The following HCRTR2 variants were observed in gnomAD, a reference collection of about 807,000 sequenced individuals.
HCRTR2 encodes orexin receptor type 2.
HCRTR2 carries 22 observed loss-of-function variants against 49.0 expected under a neutral mutation model. The observed-to-expected ratio is 0.45, with a 90% CI of 0.32 to 0.64. The LOEUF is 0.64. Among genes scored for constraint, HCRTR2 ranks in the 30% least tolerant of loss-of-function variants. The pLI is 0.04. For synonymous variants in HCRTR2, 236 were observed against 205.3 expected, an observed-to-expected ratio of 1.15 and a Z score of -1.28; for missense variants, 491 against 559.4, an observed-to-expected ratio of 0.88 and a Z score of 1.23.
chr6:55,221,140 T>C (rs953576551), intron 1 of HCRTR2, among the ~76,000 whole-genome samples: 2 of 152,194 alleles, frequency 1.3e-5, no homozygotes, highest in African/African-American at 4.8e-5. Flanking sequence ...AAGCAATTTA[T>C]AGATCCTATA....
At chr6:55,143,312 C>T (rs563220997) in intron 1 of HCRTR2, among the ~76,000 whole-genome samples, 58 of 151,820 alleles carry the variant, frequency 3.8e-4, no homozygotes, top group African/African-American at 1.4e-3. Flanking sequence ...TGTATTTTTC[C>T]CTAGAATACA....
intron 1 of HCRTR2, among the ~76,000 whole-genome samples, chr6:55,197,199 A>G (rs1765432071): frequency 6.6e-6 from 1 of 152,094 alleles, no homozygotes; most frequent in Admixed American, 6.5e-5. Context: ...CTCTAATCCT[A>G]TCTCTAACCT....
chr6:55,212,570 T>G (rs1765715436), intron 1 of HCRTR2, among the ~76,000 whole-genome samples: 1 of 152,178 alleles, frequency 6.6e-6, no homozygotes, highest in Admixed American at 6.6e-5. Flanking sequence ...CCTCTTTCCC[T>G]CTTCCTGGCG....
intron 1 of HCRTR2, among the ~76,000 whole-genome samples, chr6:55,127,702 A>C (rs1764300449): frequency 6.6e-6 from 1 of 152,192 alleles, no homozygotes; most frequent in South Asian, 2.1e-4. Flanking sequence ...TACACAGATG[A>C]GTAAAATCAG....
At chr6:55,237,103 T>A (rs1401236170) in intron 1 of HCRTR2, among the ~76,000 whole-genome samples, 1 of 152,116 alleles carries the variant, frequency 6.6e-6, no homozygotes, top group African/African-American at 2.4e-5. Flanking sequence ...CTTTGTTGTG[T>A]TTCCAGTTCA....
intron 1 of HCRTR2, among the ~76,000 whole-genome samples, chr6:55,221,714 G>A (rs993644788): frequency 6.6e-6 from 1 of 151,870 alleles, no homozygotes; most frequent in African/African-American, 2.4e-5. Flanking sequence ...TCAGGAGGCT[G>A]AGGCAGGAGA....
intron 1 of HCRTR2, among the ~76,000 whole-genome samples, chr6:55,125,914 G>T (rs1481335737): frequency 6.6e-6 from 1 of 151,898 alleles, no homozygotes; most frequent in Non-Finnish European, 1.5e-5. Context: ...TTCAGCGATT[G>T]ATACCTGTGT....
chr6:55,191,238 C>T (rs565106320), intron 1 of HCRTR2, among the ~76,000 whole-genome samples: 1 of 152,072 alleles, frequency 6.6e-6, no homozygotes, highest in Middle Eastern at 3.4e-3. Context: ...TTATATTAAG[C>T]CAACAATATA....
chr6:55,200,064 C>T (rs1162936880), intron 1 of HCRTR2, among the ~76,000 whole-genome samples: 1 of 152,164 alleles, frequency 6.6e-6, no homozygotes, highest in Non-Finnish European at 1.5e-5. Context: ...CATCAGATAT[C>T]TCCACCTATC....
intron 1 of HCRTR2, among the ~76,000 whole-genome samples, chr6:55,144,868 A>G (rs772019104): frequency 6.6e-6 from 1 of 152,098 alleles, no homozygotes; most frequent in Non-Finnish European, 1.5e-5. Flanking sequence ...ATTAATATAT[A>G]TCATTGTTTC....
intron 1 of HCRTR2, among the ~76,000 whole-genome samples, chr6:55,126,575 G>C (rs997644851): frequency 2.0e-5 from 3 of 152,188 alleles, no homozygotes; most frequent in African/African-American, 7.2e-5. Context: ...AAGGGTTAAG[G>C]ACCCAGTTGA....
At chr6:55,114,523 C>A (rs549874888) in intron 1 of HCRTR2, among the ~76,000 whole-genome samples, 1 of 151,808 alleles carries the variant, frequency 6.6e-6, no homozygotes, top group South Asian at 2.1e-4. Flanking sequence ...TTCCGATAAC[C>A]CAGATTATCC....
At chr6:55,170,384 T>A (rs1370413134), upstream of HCRTR2, among the ~76,000 whole-genome samples, 1 of 150,788 alleles carries the variant, frequency 6.6e-6, no homozygotes, top group Admixed American at 6.6e-5. Context: ...ACGCATAGAA[T>A]GTGTAATGGT....
At chr6:55,248,841 G>T in intron 2 of HCRTR2, 24 bp downstream of exon 2, 1 of 1,597,136 alleles carries the variant, frequency 6.3e-7, no homozygotes, top group South Asian at 1.1e-5. Context: ...ATGCTTTTTT[G>T]AAGCTACTAA....
At chr6:55,258,364 T>A (rs1179932830) in intron 3 of HCRTR2, among the ~76,000 whole-genome samples, 1 of 152,172 alleles carries the variant, frequency 6.6e-6, no homozygotes, top group Non-Finnish European at 1.5e-5. Context: ...TTTGGTCAGT[T>A]GATACATATC....
At chr6:55,236,164 T>C (rs1766209147) in intron 1 of HCRTR2, among the ~76,000 whole-genome samples, 1 of 152,132 alleles carries the variant, frequency 6.6e-6, no homozygotes, top group East Asian at 1.9e-4. Context: ...CCATTTAGGT[T>C]ATTTTTCATA....
intron 1 of HCRTR2, among the ~76,000 whole-genome samples, chr6:55,177,633 A>G (rs945910302): frequency 2.0e-5 from 3 of 152,098 alleles, no homozygotes; most frequent in African/African-American, 7.2e-5. Context: ...GAAAATCTCA[A>G]CCTTTTTGGG....
chr6:55,215,900 A>T (rs534234945), intron 1 of HCRTR2, among the ~76,000 whole-genome samples: 4 of 152,348 alleles, frequency 2.6e-5, no homozygotes, highest in African/African-American at 9.6e-5. Context: ...TAGGTCATTT[A>T]TAGAGAAAAT....
chr6:55,205,791 T>C (rs1765590274), intron 1 of HCRTR2, among the ~76,000 whole-genome samples: 2 of 152,150 alleles, frequency 1.3e-5, no homozygotes, highest in African/African-American at 4.8e-5. Flanking sequence ...ATACTTTCAT[T>C]TGTGTTTTTA....
Sources: gnomAD v4.1 joint callset for allele counts (sites outside exome capture counted in the v4.1 genomes callset) on GRCh38, gnomAD v4.1.1 for gene constraint, MANE v1.5 for transcripts, NCBI Gene and HGNC (gene_info 2026-07-23, HGNC 2026-07-21) for gene names.